Variants in TANC2 observed in about 807,000 individuals in gnomAD.
TANC2 encodes the protein protein TANC2.
TANC2 carries 26 observed loss-of-function variants against 210.5 expected under a neutral mutation model. The observed-to-expected ratio is 0.12, with a 90% CI of 0.09 to 0.17. The LOEUF is 0.17. Among genes scored for constraint, TANC2 ranks in the 10% least tolerant of loss-of-function variants. The pLI, the probability that TANC2 is intolerant of heterozygous loss-of-function variation, is 1.00. For missense variants in TANC2, 2,129 were observed against 2,608.9 expected, an observed-to-expected ratio of 0.82 and a Z score of 4.01; for synonymous variants, 931 against 967.1, an observed-to-expected ratio of 0.96 and a Z score of 0.69.
chr17:63,314,663 C>T lies in TANC2; in HGVS notation c.1435C>T (p.Pro479Ser). Residue 479 changes from proline (P) to serine (S), a missense_variant, in exon 10 of 28, where the codon CCC (proline) becomes TCC (serine). Around this residue, in one of 5 missense-constraint regions of TANC2, gnomAD observed 739 missense variants for 848.0 expected, o/e 0.87. Transcript: ENST00000689528. ...CGCCTCAGACAGCCCACATGCCTCC[C>T]CCAAACGTACGTATTCCTTTTTAAA... The T allele has an allele frequency of 1.2e-6, 2 of 1,613,204 alleles. No homozygotes were observed. The highest frequency in any genetic ancestry group is 1.7e-6 in the Non-Finnish European group (2 of 1,179,318).
At chr17:63,104,146 A>T (rs961980071) in intron 4 of TANC2, among the ~76,000 whole-genome samples, 1 of 152,080 alleles carries the variant, frequency 6.6e-6, no homozygotes, top group Non-Finnish European at 1.5e-5. Flanking sequence ...AAGACCTAAA[A>T]ATTGGGCAGG....
intron 7 of TANC2, among the ~76,000 whole-genome samples, chr17:63,215,915 A>G (rs2042014660): frequency 6.6e-6 from 1 of 151,862 alleles, no homozygotes; most frequent in Non-Finnish European, 1.5e-5. Flanking sequence ...ACGCCCAGCT[A>G]ATTTTTTGTA....
chr17:63,234,614 G>A (rs1330038205), intron 7 of TANC2, among the ~76,000 whole-genome samples: 2 of 151,558 alleles, frequency 1.3e-5, no homozygotes, highest in Non-Finnish European at 2.9e-5. Context: ...CATCATGTGG[G>A]CATTACAGAG....
At chr17:63,292,525 A>G (rs533217972) in intron 9 of TANC2, among the ~76,000 whole-genome samples, 1 of 152,258 alleles carries the variant, frequency 6.6e-6, no homozygotes, top group Admixed American at 6.5e-5. Flanking sequence ...AAGCCAGGCT[A>G]TAAATTATTG....
At chr17:62,985,319 A>G (rs1236473172) in intron 1 of TANC2, among the ~76,000 whole-genome samples, 1 of 151,738 alleles carries the variant, frequency 6.6e-6, no homozygotes, top group Non-Finnish European at 1.5e-5. Context: ...TTTTTCTTTT[A>G]CTTTTGACAA....
chr17:63,226,525 A>C (rs1240278373), intron 7 of TANC2, among the ~76,000 whole-genome samples: 1 of 152,212 alleles, frequency 6.6e-6, no homozygotes, highest in Non-Finnish European at 1.5e-5. Flanking sequence ...AGGTAGCTTG[A>C]GTGTACATTT....
intron 15 of TANC2, among the ~76,000 whole-genome samples, chr17:63,384,359 TTACTAA>T (rs1301426088): frequency 4.6e-5 from 7 of 152,048 alleles, no homozygotes; most frequent in Admixed American, 1.3e-4. Flanking sequence ...ACCACTAATC[TTACTAA>T]TCTTTAAAAT....
chr17:63,076,896 G>GA (rs904449342), intron 3 of TANC2, among the ~76,000 whole-genome samples: 1 of 152,092 alleles, frequency 6.6e-6, no homozygotes, highest in African/African-American at 2.4e-5. Context: ...GGAGTGTTAA[G>GA]AAAAATCACA....
chr17:63,325,212 A>G (rs1449078707), intron 11 of TANC2, among the ~76,000 whole-genome samples: 2 of 152,116 alleles, frequency 1.3e-5, no homozygotes, highest in Non-Finnish European at 2.9e-5. Context: ...GAAATTGCCA[A>G]ATGTTTCCTG....
rs568771528 is a variant in TANC2 at position 63,003,091 on chromosome 17, G to A, written c.-23-6446G>A. 7.1e-4 allele frequency among the ~76,000 whole-genome samples: 108 copies of A among 152,052 alleles called. 1 individual carries two copies. The highest frequency in any genetic ancestry group is 2.6e-3 in the African/African-American group (106 of 41,454). On this transcript the variant is annotated intron_variant, in intron 1 of 27. Coordinates refer to ENST00000689528, the Ensembl canonical transcript of TANC2. ...TTTTATACTCCTAAAATAGTGTGTT[G>A]GAATTTAAATTACTCTTCATTGTGA...
intron 16 of TANC2, 129 bp from the exon 17 acceptor site, chr17:63,389,179 A>T (rs2047883147): frequency 1.4e-6 from 1 of 714,054 alleles, no homozygotes; most frequent in Non-Finnish European, 2.3e-6. Flanking sequence ...AGCAAATGAG[A>T]TTATAAAATA....
At chr17:63,390,121 T>C (rs972636591) in intron 17 of TANC2, 4 of 152,578 alleles carry the variant, frequency 2.6e-5, no homozygotes, top group African/African-American at 9.7e-5. Context: ...TTCCAAAATA[T>C]GTTTGCTTTA....
At chr17:63,383,896 A>T (rs935252853) in intron 15 of TANC2, among the ~76,000 whole-genome samples, 2 of 152,110 alleles carry the variant, frequency 1.3e-5, no homozygotes, top group African/African-American at 4.8e-5. Flanking sequence ...GCTAGTTGAG[A>T]AACCACTATT....
rs750440007 is a variant in TANC2 at position 63,411,700 on chromosome 17, A to C, written c.3765+14A>C. 3.9e-5 allele frequency: 62 copies of C among 1,603,112 alleles called. No homozygotes were observed. The South Asian group carries it at 5.4e-4, about 14-fold the overall frequency. On this transcript the variant is annotated intron_variant, in intron 22 of 27. Transcript: ENST00000689528. ...GATGCTGAGGTGGTAAGTACCTTTAAACAAGCCTCAAGAGAGCAGAGAGAG... is the reference window on the plus strand; with the variant it reads ...GATGCTGAGGTGGTAAGTACCTTTACACAAGCCTCAAGAGAGCAGAGAGAG...
At chr17:63,098,243 G>A (rs2037462884) in intron 3 of TANC2, among the ~76,000 whole-genome samples, 1 of 151,924 alleles carries the variant, frequency 6.6e-6, no homozygotes, top group Non-Finnish European at 1.5e-5. Flanking sequence ...TTTGTTTTTA[G>A]TAGGCACTGT....
chr17:63,017,068 C>T (rs1023978722), intron 2 of TANC2, among the ~76,000 whole-genome samples: 2 of 152,134 alleles, frequency 1.3e-5, no homozygotes, highest in South Asian at 2.1e-4. Flanking sequence ...TTAACTCTTA[C>T]ATTTAGGTTG....
chr17:63,216,187 C>G (rs1402620624), intron 7 of TANC2, among the ~76,000 whole-genome samples: 1 of 151,978 alleles, frequency 6.6e-6, no homozygotes, highest in Non-Finnish European at 1.5e-5. Flanking sequence ...TAGCTGGGAT[C>G]ACAGGCACGT....
At chr17:63,063,218 C>T (rs2036059701) in intron 2 of TANC2, among the ~76,000 whole-genome samples, 1 of 152,180 alleles carries the variant, frequency 6.6e-6, no homozygotes, top group Non-Finnish European at 1.5e-5. Flanking sequence ...TCCATGCCCC[C>T]TTGGGGGCAC....
chr17:63,036,979 C>T (rs2034998815), intron 2 of TANC2, among the ~76,000 whole-genome samples: 1 of 151,690 alleles, frequency 6.6e-6, no homozygotes, highest in South Asian at 2.1e-4. Context: ...TCTTTTTTTA[C>T]ACATACATAG....
Sources: gnomAD v4.1 joint callset for allele counts (sites outside exome capture counted in the v4.1 genomes callset) on GRCh38, gnomAD v4.1.1 for gene constraint, gnomAD v4.1.1 regional missense constraint, MANE v1.5 for transcripts, NCBI Gene and HGNC (gene_info 2026-07-23, HGNC 2026-07-21) for gene names.